FAM217A: variants seen among roughly 807,000 people sequenced by gnomAD.
FAM217A encodes the protein family with sequence similarity 217 member A, also known as protein FAM217A.
Under a neutral mutation model 18.5 loss-of-function variants are expected in FAM217A, and 13 were observed. That is an observed-to-expected ratio of 0.70 (90% CI 0.46 to 1.12). FAM217A has a LOEUF of 1.12. Ranked by LOEUF, FAM217A falls within the 50% of genes most tolerant of loss-of-function variation. The pLI is 0.00. For missense variants in FAM217A, 560 were observed against 575.4 expected, an observed-to-expected ratio of 0.97 and a Z score of 0.27; for synonymous variants, 161 against 202.8, an observed-to-expected ratio of 0.79 and a Z score of 1.75.
In FAM217A at chr6:4,068,889, G is replaced by A. The variant is rs757866954; in HGVS notation, c.1334C>T (p.Ser445Leu). 6.2e-7 allele frequency: 1 copy of A among 1,614,138 alleles called. No individual in the cohort carries two copies. The highest frequency in any genetic ancestry group is 8.5e-7 in the Non-Finnish European group (1 of 1,180,004). ...CLPWRSPMPV[S>L]PIPLTFPENQ... is the part of the protein sequence containing the mutation. ...TTCGGGAAAAGTCAGAGGTATAGGT[G>A]AAACTGGCATTGGAGACCTCCATGG... The change falls in exon 7 of 7, where the codon TCA (serine) becomes TTA (leucine). Residue 445 changes from serine (S) to leucine (L), a missense_variant. Coordinates refer to ENST00000274673, the MANE Select transcript of FAM217A (RefSeq NM_173563.3).
chr6:4,087,119 G>C (rs534646783), upstream of FAM217A: 63 of 405,504 alleles, frequency 1.6e-4, no homozygotes, highest in African/African-American at 1.2e-3. Flanking sequence ...GTAGGTCTGT[G>C]GAGCCTTAAT....
upstream of FAM217A, chr6:4,079,401 C>T (rs1385161363): frequency 1.6e-5 from 5 of 313,764 alleles, no homozygotes; most frequent in Middle Eastern, 1.1e-3. Flanking sequence ...CTGAAGGGGC[C>T]GCCCCCGGCC....
intron 6 of FAM217A, among the ~76,000 whole-genome samples, chr6:4,070,141 AT>A (rs1241109829): frequency 6.6e-6 from 1 of 152,250 alleles, no homozygotes; most frequent in Admixed American, 6.5e-5. Flanking sequence ...TTAACTGGGC[AT>A]CCCTTTGTGC....
At chr6:4,075,226 C>T (rs1054991278) in intron 2 of FAM217A, among the ~76,000 whole-genome samples, 1 of 152,032 alleles carries the variant, frequency 6.6e-6, no homozygotes, top group Non-Finnish European at 1.5e-5. Context: ...CCCAGCTGTT[C>T]GGGAGGCTGA....
At chr6:4,084,149 T>C (rs1770487683) in intron 2 of FAM217A, among the ~76,000 whole-genome samples, 2 of 152,252 alleles carry the variant, frequency 1.3e-5, no homozygotes, top group Non-Finnish European at 2.9e-5. Context: ...GTATAATTCC[T>C]TTTTAAGAAA....
intron 4 of FAM217A, 65 bp from the exon 5 acceptor site, chr6:4,073,572 G>C: frequency 7.7e-7 from 1 of 1,303,332 alleles, no homozygotes; most frequent in Non-Finnish European, 1.1e-6. Context: ...TTCTAACAAT[G>C]TATAGTTCTT....
chr6:4,077,556 A>C (rs1769912401), intron 1 of FAM217A, 108 bp from the exon 2 acceptor site: 1 of 954,582 alleles, frequency 1.0e-6, no homozygotes, highest in South Asian at 1.4e-5. Context: ...AATGCTTAGA[A>C]AGCAGAAGAG....
At position 4,074,463 on chromosome 6, in the gene FAM217A, T is replaced by A. The variant is rs941053195; in HGVS notation, c.146-7A>T. 4 of 1,585,990 alleles carry A rather than the reference T, an allele frequency of 2.5e-6. No individual in the cohort carries two copies. In the African/African-American group the frequency reaches 5.4e-5, roughly 21 times the overall value. ...CTTACCTTGTTAATTTTGCCTGAAA[T>A]GTGTATAAAAAATGACAATTAATAG... On this transcript the variant is annotated splice_polypyrimidine_tract_variant and splice_region_variant and intron_variant, in intron 3 of 6. Coordinates refer to ENST00000274673, the MANE Select transcript of FAM217A (RefSeq NM_173563.3).
At chr6:4,086,969 T>C (rs1770708137) in intron 1 of FAM217A, 1 of 398,932 alleles carries the variant, frequency 2.5e-6, no homozygotes, top group Non-Finnish European at 4.4e-6. Context: ...TTGGTATTAG[T>C]TTGGATAAGA....
At chr6:4,081,171 A>G (rs1177239908), upstream of FAM217A, among the ~76,000 whole-genome samples, 1 of 152,214 alleles carries the variant, frequency 6.6e-6, no homozygotes, top group Admixed American at 6.5e-5. Context: ...GTATTTTCTG[A>G]AATGTATGGT....
chr6:4,075,538 G>A (rs1022691499), intron 2 of FAM217A, among the ~76,000 whole-genome samples: 3 of 152,126 alleles, frequency 2.0e-5, no homozygotes, highest in Non-Finnish European at 4.4e-5. Flanking sequence ...TAACAACTGA[G>A]TATTTATGTT....
chr6:4,076,147 G>A (rs1769779054), intron 2 of FAM217A, among the ~76,000 whole-genome samples: 1 of 151,962 alleles, frequency 6.6e-6, no homozygotes, highest in Admixed American at 6.5e-5. Flanking sequence ...TGGCCAACAT[G>A]TCGAAACCCC....
upstream of FAM217A, among the ~76,000 whole-genome samples, chr6:4,081,650 A>T (rs1398396134): frequency 6.6e-6 from 1 of 152,218 alleles, no homozygotes; most frequent in Non-Finnish European, 1.5e-5. Context: ...CCTGAGCCTT[A>T]GATGTATTAT....
Position 4,086,048 on chromosome 6 carries a change from G to A in FAM217A, c.18+962C>T, listed in dbSNP as rs549999709. Among the ~76,000 whole-genome samples, 9 of 151,930 alleles carry A rather than the reference G, an allele frequency of 5.9e-5. No homozygotes were observed. In the South Asian group the frequency reaches 1.7e-3, roughly 28 times the overall value. ...GAGGATTGCTTGAGCCCAGGAGGTC[G>A]AGGCTACAGTGAGCTGCACTGCAGC... On this transcript the variant is annotated intron_variant, in intron 1 of 8. Coordinates refer to the FAM217A transcript ENST00000639338.
intron 2 of FAM217A, among the ~76,000 whole-genome samples, chr6:4,075,800 T>C (rs1769751567): frequency 6.6e-6 from 1 of 152,202 alleles, no homozygotes; most frequent in African/African-American, 2.4e-5. Flanking sequence ...CAATACAGCA[T>C]GAGGATTAAT....
At chr6:4,078,347 C>G (rs1770000316) in intron 1 of FAM217A, among the ~76,000 whole-genome samples, 1 of 152,066 alleles carries the variant, frequency 6.6e-6, no homozygotes, top group Admixed American at 6.5e-5. Context: ...CCACTGCACC[C>G]GGCCAAGAAT....
chr6:4,080,106 C>T (rs112908051), upstream of FAM217A, among the ~76,000 whole-genome samples: 15 of 152,228 alleles, frequency 9.9e-5, no homozygotes, highest in African/African-American at 3.1e-4. Context: ...GATGAGATCA[C>T]GGCCATGTCC....
intron 2 of FAM217A, among the ~76,000 whole-genome samples, chr6:4,076,761 G>A (rs574728828): frequency 3.9e-5 from 6 of 152,246 alleles, no homozygotes; most frequent in Admixed American, 2.6e-4. Context: ...CCAGCTACTC[G>A]GGAGGCTGAG....
chr6:4,068,601 T>G lies in FAM217A; in HGVS notation c.*95A>C, dbSNP rs550530498. The G allele has an allele frequency of 5.1e-6, 7 of 1,379,854 alleles. No individual in the cohort carries two copies. Among genetic ancestry groups the G allele is most frequent in the African/African-American group, 4.3e-5 (3 of 69,140 alleles). 85.5% of individuals were successfully genotyped at this position (1,379,854 alleles called of 1,614,324 possible). On this transcript the variant is annotated 3_prime_UTR_variant, in exon 7 of 7. Coordinates refer to ENST00000274673, the MANE Select transcript of FAM217A (RefSeq NM_173563.3). ...CAACTGTTTGGTGATTTTGGGGGAC[T>G]GTTAATAGTACCTGTGTCTTGGAAT... is the stretch of plus-strand genomic sequence containing the variant.
Sources: gnomAD v4.1 joint callset for allele counts (sites outside exome capture counted in the v4.1 genomes callset) on GRCh38, gnomAD v4.1.1 for gene constraint, MANE v1.5 for transcripts, NCBI Gene and HGNC (gene_info 2026-07-23, HGNC 2026-07-21) for gene names.